Variants in GAS7 observed in about 807,000 individuals in gnomAD.
GAS7 encodes growth arrest-specific protein 7.
Under a neutral mutation model 71.1 loss-of-function variants are expected in GAS7, and 28 were observed. The ratio of observed to expected loss-of-function variants is 0.39; its 90% confidence interval spans 0.29 to 0.54. The LOEUF (loss-of-function observed/expected upper bound fraction) is 0.54. Ranked by LOEUF, GAS7 falls within the 20% of genes least tolerant of loss-of-function variation. The probability of loss-of-function intolerance (pLI) is 0.62; values close to 1 mark genes in which losing one functional copy is unlikely to be tolerated. For synonymous variants in GAS7, 258 were observed against 245.8 expected (o/e 1.05, Z -0.46); for missense variants, 436 against 627.8 (o/e 0.69, Z 3.27).
chr17:10,196,414 C>G (rs1036870893), intron 1 of GAS7, among the ~76,000 whole-genome samples: 2 of 152,190 alleles, frequency 1.3e-5, no homozygotes, highest in African/African-American at 2.4e-5. Flanking sequence ...GTATTGCTCA[C>G]GCAGATGGAT....
intron 5 of GAS7, among the ~76,000 whole-genome samples, chr17:9,951,887 C>G (rs2152105028): frequency 6.6e-6 from 1 of 151,702 alleles, no homozygotes; most frequent in East Asian, 1.9e-4. Flanking sequence ...CCCCCAGAAT[C>G]TTCCTGAGTT....
In GAS7 at chr17:10,084,841, T is replaced by C. The variant is rs560841112; in HGVS notation, c.184-64944A>G. Among the ~76,000 whole-genome samples the C allele has an allele frequency of 2.0e-5, 3 of 152,260 alleles. No individual in the cohort carries two copies. In the East Asian group the frequency reaches 5.8e-4, roughly 29 times the overall value. ...TCTCCCCTGCTGGGCACTTTCTCTG[T>C]AGGGCTATTAATCCAGGTGCCAGCT... On this transcript the variant is annotated intron_variant, in intron 1 of 13. Coordinates refer to ENST00000432992, the MANE Select transcript of GAS7 (RefSeq NM_201433.2).
At chr17:9,960,629 AC>A (rs754578750) in intron 4 of GAS7, among the ~76,000 whole-genome samples, 4 of 152,184 alleles carry the variant, frequency 2.6e-5, no homozygotes, top group Non-Finnish European at 5.9e-5. Context: ...GGCCAGCACG[AC>A]CCTGGACACC....
At chr17:9,955,091 G>GTTTCCTTTTCCTTCCTAATT (rs2069177010) in intron 5 of GAS7, among the ~76,000 whole-genome samples, 1 of 152,136 alleles carries the variant, frequency 6.6e-6, no homozygotes, top group Non-Finnish European at 1.5e-5. Flanking sequence ...TAATTCCTGG[G>GTTTCCTTTTCCTTCCTAATT]CCACCACTTT....
chr17:10,060,587 G>A (rs531753566), intron 1 of GAS7, among the ~76,000 whole-genome samples: 1 of 152,098 alleles, frequency 6.6e-6, no homozygotes, highest in Non-Finnish European at 1.5e-5. Flanking sequence ...TCTTCAAGGA[G>A]CTAGGGGCCT....
intron 1 of GAS7, among the ~76,000 whole-genome samples, chr17:10,120,801 C>T (rs1323655504): frequency 6.6e-6 from 1 of 152,208 alleles, no homozygotes; most frequent in Non-Finnish European, 1.5e-5. Context: ...CAGCTTCCCA[C>T]GTGGGCAGCC....
intron 1 of GAS7, among the ~76,000 whole-genome samples, chr17:10,122,475 C>T (rs2073912653): frequency 1.3e-5 from 2 of 152,170 alleles, no homozygotes; most frequent in African/African-American, 4.8e-5. Context: ...AGAAAGGCCC[C>T]CTGGGACCCG....
At position 9,917,313 on chromosome 17, in the gene GAS7, C is replaced by T. The variant is rs562657250; in HGVS notation, c.1346G>A (p.Arg449Gln). ...STVEPVDQLLRKVDPAKDREL... is the reference protein window; with the variant it reads ...STVEPVDQLLQKVDPAKDREL... ...CCTGTCTTTGGCCGGGTCCACTTTT[C>T]GAAGCAGCTGATCCACGGGCTCGAC... Residue 449 changes from arginine (R) to glutamine (Q), a missense_variant, in exon 14 of 14, where the codon CGA becomes CAA. Coordinates refer to ENST00000432992, the MANE Select transcript of GAS7 (RefSeq NM_201433.2). 4.6e-5 allele frequency: 75 copies of T among 1,613,984 alleles called. No homozygotes were observed. Among genetic ancestry groups the T allele is most frequent in the South Asian group, 3.3e-4 (30 of 91,084 alleles).
rs1049663368 is a variant in GAS7, at chr17:9,913,635, G to C, written c.*3593C>G. The stretch of plus-strand genomic sequence containing the variant: ...CCTCCCACCGCAGAAATTCTCCTTG[G>C]CCAACAGGGTGCTGAGTGGAGGTAG... On this transcript the variant is annotated 3_prime_UTR_variant, in exon 14 of 14. Coordinates refer to ENST00000432992, the MANE Select transcript of GAS7 (RefSeq NM_201433.2). The C allele has an allele frequency of 2.0e-4, 46 of 230,844 alleles. No homozygotes were observed. The highest frequency in any genetic ancestry group is 9.0e-4 in the Admixed American group (16 of 17,698). The allele number at this position is 230,844 out of a possible 1,614,324, so 14.3% of individuals were successfully genotyped here.
chr17:9,943,151 T>C lies in GAS7; in HGVS notation c.701A>G (p.Gln234Arg). ...LQKQLKGKQM[Q>R]KEMSEFIRER... is the part of the protein sequence containing the mutation. ...CCGGATGAATTCTGACATTTCCTTC[T>C]GCATTTGTTTGCCCTTCAGCTGTTT... Residue 234 changes from glutamine to arginine, a missense_variant, in exon 7 of 14, where the codon CAG (glutamine) becomes CGG (arginine). Transcript: ENST00000432992. The C allele has an allele frequency of 6.2e-7, 1 of 1,612,440 alleles. No individual in the cohort carries two copies. The highest frequency in any genetic ancestry group is 8.5e-7 in the Non-Finnish European group (1 of 1,178,420).
At chr17:10,014,429 G>A (rs1004909025) in intron 2 of GAS7, among the ~76,000 whole-genome samples, 3 of 152,170 alleles carry the variant, frequency 2.0e-5, no homozygotes, top group African/African-American at 7.2e-5. Context: ...CCACCGCCTG[G>A]AAATTTCCCA....
chr17:9,926,626 T>C lies in GAS7; in HGVS notation c.1014+15A>G. On this transcript the variant is annotated intron_variant, in intron 10 of 13. Coordinates refer to ENST00000432992, the MANE Select transcript of GAS7 (RefSeq NM_201433.2). This position sits in a 1 kb window ranked among gnomAD's most constrained non-coding sequence, Gnocchi z 5.0. ...CCCATGCACCTGCCCTGGCCCAGCG[T>C]CCTGGGCCTCTCACCTTCTCCACCG... 3 of 1,612,094 alleles carry C rather than the reference T, an allele frequency of 1.9e-6. No individual in the cohort carries two copies. Among genetic ancestry groups the C allele is most frequent in the Non-Finnish European group, 2.5e-6 (3 of 1,179,704 alleles).
intron 1 of GAS7, among the ~76,000 whole-genome samples, chr17:10,067,816 G>T (rs1230607293): frequency 6.6e-6 from 1 of 152,196 alleles, no homozygotes; most frequent in East Asian, 1.9e-4. Context: ...ACCATCTCCT[G>T]TAAGTCTAAA....
At chr17:10,063,743 C>G (rs8074756) in intron 1 of GAS7, among the ~76,000 whole-genome samples, 45,689 of 152,044 alleles carry the variant, frequency 0.3, 7,976 homozygotes, top group African/African-American at 0.48. Context: ...CCACTCTAAC[C>G]TGTTCACCAC....
chr17:10,059,701 G>A, intron 1 of GAS7: 2 of 985,336 alleles, frequency 2.0e-6, no homozygotes, highest in Non-Finnish European at 2.4e-6. Flanking sequence ...CCTCAGCCTT[G>A]TGGTGTGTCC....
chr17:10,098,019 G>A (rs62066662), intron 1 of GAS7, among the ~76,000 whole-genome samples: 3,104 of 149,070 alleles, frequency 0.021, 51 homozygotes, highest in Non-Finnish European at 0.032. Context: ...ACTCCAGCCC[G>A]GGTGACAGAG....
intron 2 of GAS7, among the ~76,000 whole-genome samples, chr17:10,009,095 C>T (rs539961144): frequency 4.6e-5 from 7 of 151,782 alleles, no homozygotes; most frequent in Admixed American, 6.6e-5. Context: ...CCGAGGCGGG[C>T]GGATCACGAG....
chr17:9,987,484 T>C (rs1268848814), intron 2 of GAS7, among the ~76,000 whole-genome samples: 1 of 152,156 alleles, frequency 6.6e-6, no homozygotes, highest in Non-Finnish European at 1.5e-5. Flanking sequence ...CTACCCCACA[T>C]AGAATAAAAC....
chr17:10,176,290 CAG>C (rs2074373744), intron 1 of GAS7, among the ~76,000 whole-genome samples: 1 of 152,194 alleles, frequency 6.6e-6, no homozygotes, highest in South Asian at 2.1e-4. Context: ...ATGACCACAG[CAG>C]AGAGGTGAGG....
Sources: allele counts gnomAD v4.1 joint callset (sites outside exome capture counted in the v4.1 genomes callset), GRCh38; gene constraint gnomAD v4.1.1; non-coding constraint Gnocchi (gnomAD v3.1); transcripts MANE v1.5; gene names NCBI Gene and HGNC (gene_info 2026-07-23, HGNC 2026-07-21).